PSMD9: variants seen among roughly 807,000 people sequenced by gnomAD.
PSMD9 encodes the protein 26S proteasome non-ATPase regulatory subunit 9.
A neutral mutation model predicts 25.9 loss-of-function variants in PSMD9; 26 were observed. That is an observed-to-expected ratio of 1.00 (90% confidence interval 0.73 to 1.39). PSMD9 has a LOEUF of 1.39. PSMD9 is among the 40% of genes most tolerant of loss of function. The pLI, the probability that PSMD9 is intolerant of heterozygous loss-of-function variation, is 0.00. For missense variants in PSMD9, 303 were observed against 299.3 expected, an observed-to-expected ratio of 1.01 and a Z score of -0.09; for synonymous variants, 110 against 114.5, an observed-to-expected ratio of 0.96 and a Z score of 0.25.
In PSMD9 at chr12:121,913,166, A is replaced by G. The variant is rs1262590312; in HGVS notation, c.556-2690A>G. Among the ~76,000 whole-genome samples, 4 of 152,104 alleles carry G rather than the reference A, an allele frequency of 2.6e-5. No homozygotes were observed. In the South Asian group the frequency reaches 8.3e-4, roughly 32 times the overall value. On this transcript the variant is annotated intron_variant, in intron 4 of 5. Transcript: ENST00000541212. ...TCACTGTGTTAGCCACGATGGTGTC[A>G]ATCTCCTGACTTTGTGATCTGCCCA...
At chr12:121,893,627 C>A (rs991055058) in intron 1 of PSMD9, among the ~76,000 whole-genome samples, 1 of 152,140 alleles carries the variant, frequency 6.6e-6, no homozygotes, top group Non-Finnish European at 1.5e-5. Context: ...TGACTGCTGG[C>A]GGTCCTTGGC....
intron 1 of PSMD9, among the ~76,000 whole-genome samples, chr12:121,892,208 GC>G (rs1565889615): frequency 1.3e-5 from 2 of 152,092 alleles, no homozygotes. Context: ...TAAAAAGACA[GC>G]CAATTAGAAG....
chr12:121,899,585 G>C (rs1337771073), intron 2 of PSMD9, 49 bp from the exon 3 acceptor site: 1 of 1,501,816 alleles, frequency 6.7e-7, no homozygotes, highest in South Asian at 1.2e-5. Flanking sequence ...TAGGAGTCTT[G>C]TGTCCTCCAC....
intron 4 of PSMD9, among the ~76,000 whole-genome samples, chr12:121,903,360 C>A (rs1592945577): frequency 6.6e-6 from 1 of 152,104 alleles, no homozygotes; most frequent in Non-Finnish European, 1.5e-5. Context: ...GCACTAATCC[C>A]AGTGGGGGCG....
chr12:121,916,508 G>T lies in PSMD9; in HGVS notation c.*197G>T, dbSNP rs2135735541. On this transcript the variant is annotated 3_prime_UTR_variant, in exon 6 of 6. Coordinates refer to ENST00000541212, the MANE Select transcript of PSMD9 (RefSeq NM_002813.7). ...AGGCATTCTTAAAAACTTAGGCTTG[G>T]CCTCTTTCACAAATTAGGCCACGGC... 3 of 661,172 alleles carry T rather than the reference G, an allele frequency of 4.5e-6. 1 individual carries two copies. In the South Asian group the frequency reaches 6.0e-5, roughly 13 times the overall value. The allele number at this position is 661,172 out of a possible 1,614,324, so 41.0% of individuals were successfully genotyped here. A position where few individuals can be genotyped will look rare whatever the true frequency, so the allele number is the denominator to read the frequency against.
intron 3 of PSMD9, 138 bp from the exon 4 acceptor site, chr12:121,902,868 C>T (rs1879440639): frequency 3.0e-6 from 2 of 675,792 alleles, no homozygotes; most frequent in Non-Finnish European, 5.3e-6. Flanking sequence ...TGTCTACATC[C>T]CTGACCTCTT....
At position 121,899,729 on chromosome 12, in the gene PSMD9, G is replaced by C; in HGVS notation, c.337G>C (p.Ala113Pro). Residue 113 changes from alanine (A) to proline (P), a missense_variant, in exon 3 of 6, where the codon GCT (alanine) becomes CCT (proline). Physicochemically the swap from Ala to Pro is conservative, Grantham distance 27. Coordinates refer to ENST00000541212, the MANE Select transcript of PSMD9 (RefSeq NM_002813.7). ...CAAGGAGAAGCAGGCCCGGGACATG[G>C]CTGAGGCCCACAAAGAGGCCATGAG... ...RDKEKQARDMAEAHKEAMSRK... is the reference protein window; with the variant it reads ...RDKEKQARDMPEAHKEAMSRK... The C allele has an allele frequency of 6.2e-7, 1 of 1,614,142 alleles. No individual in the cohort carries two copies. The highest frequency in any genetic ancestry group is 8.5e-7 in the Non-Finnish European group (1 of 1,180,018).
At chr12:121,907,948 G>T (rs1879609178) in intron 4 of PSMD9, among the ~76,000 whole-genome samples, 1 of 152,096 alleles carries the variant, frequency 6.6e-6, no homozygotes, top group South Asian at 2.1e-4. Flanking sequence ...GAGGCAGGAG[G>T]ATCACTTGAC....
intron 2 of PSMD9, 150 bp downstream of exon 2, chr12:121,894,991 G>C (rs1312831256): frequency 1.5e-6 from 1 of 669,940 alleles, no homozygotes; most frequent in African/African-American, 1.8e-5. Flanking sequence ...AGAACCAAGG[G>C]AATGGGCTAG....
chr12:121,899,501 C>T (rs978278767), intron 2 of PSMD9, 133 bp from the exon 3 acceptor site: 28 of 821,942 alleles, frequency 3.4e-5, no homozygotes, highest in Non-Finnish European at 5.2e-5. Flanking sequence ...CTGTCTTGGT[C>T]AGAGACTCCT....
At chr12:121,907,091 C>G (rs575044958) in intron 4 of PSMD9, among the ~76,000 whole-genome samples, 1 of 151,232 alleles carries the variant, frequency 6.6e-6, no homozygotes, top group South Asian at 2.1e-4. Flanking sequence ...TTTTTTGAGA[C>G]GAAGTTTTTC....
chr12:121,897,153 G>A (rs1479655072), intron 2 of PSMD9: 1 of 152,160 alleles, frequency 6.6e-6, no homozygotes, highest in Non-Finnish European at 1.5e-5. Flanking sequence ...CCAGCACTTT[G>A]GGAGGCTGAG....
chr12:121,915,808 C>T, intron 4 of PSMD9, 48 bp from the exon 5 acceptor site: 1 of 1,490,274 alleles, frequency 6.7e-7, no homozygotes, highest in Non-Finnish European at 9.2e-7. Flanking sequence ...GCCTGCATCT[C>T]TGAGTACTAA....
chr12:121,903,163 T>G, intron 4 of PSMD9, 56 bp downstream of exon 4: 1 of 1,414,672 alleles, frequency 7.1e-7, no homozygotes, highest in Non-Finnish European at 1.0e-6. Flanking sequence ...CAGTATGCCA[T>G]AGACTGCGTG....
intron 2 of PSMD9, 53 bp downstream of exon 2, chr12:121,894,894 A>G (rs1346481596): frequency 6.8e-7 from 1 of 1,471,450 alleles, no homozygotes; most frequent in African/African-American, 1.4e-5. Flanking sequence ...AAGGTGTTAA[A>G]GGCATACAAA....
At chr12:121,911,109 C>T (rs540443760) in intron 4 of PSMD9, 191 of 411,372 alleles carry the variant, frequency 4.6e-4, no homozygotes, top group African/African-American at 3.2e-3. Context: ...GCTCAATCTC[C>T]ACTCACTGCA....
At chr12:121,907,277 C>T (rs969646396) in intron 4 of PSMD9, among the ~76,000 whole-genome samples, 1 of 152,058 alleles carries the variant, frequency 6.6e-6, no homozygotes, top group Non-Finnish European at 1.5e-5. Flanking sequence ...ACCATGTTGG[C>T]CAGGCGGGTC....
At chr12:121,906,839 G>T (rs1204102761) in intron 4 of PSMD9, among the ~76,000 whole-genome samples, 1 of 150,116 alleles carries the variant, frequency 6.7e-6, no homozygotes, top group African/African-American at 2.4e-5. Flanking sequence ...ATTAGGTGTG[G>T]TGGTACTCTC....
intron 4 of PSMD9, among the ~76,000 whole-genome samples, chr12:121,904,622 C>T (rs1188785301): frequency 8.0e-6 from 1 of 125,060 alleles, no homozygotes; most frequent in Non-Finnish European, 1.8e-5. Context: ...TCTGTTTTTC[C>T]TTTAGTCCAT....
Sources: gnomAD v4.1 joint callset for allele counts (sites outside exome capture counted in the v4.1 genomes callset) on GRCh38, gnomAD v4.1.1 for gene constraint, MANE v1.5 for transcripts, NCBI Gene and HGNC (gene_info 2026-07-23, HGNC 2026-07-21) for gene names.